The following ADAP2 variants were observed in gnomAD, a reference collection of about 807,000 sequenced individuals.
ADAP2 encodes arf-GAP with dual PH domain-containing protein 2.
ADAP2 carries 42 observed loss-of-function variants against 54.9 expected under a neutral mutation model. That is an observed-to-expected ratio of 0.77 (90% confidence interval 0.60 to 0.99). The LOEUF (loss-of-function observed/expected upper bound fraction) is 0.99, where lower values mean the gene tolerates loss of function less well. Among genes scored for constraint, ADAP2 ranks in the 50% least tolerant of loss-of-function variants. The pLI, the probability that ADAP2 is intolerant of heterozygous loss-of-function variation, is 0.00. For missense variants in ADAP2, 429 were observed against 480.4 expected, an observed-to-expected ratio of 0.89 and a Z score of 1.00; for synonymous variants, 177 against 180.1, an observed-to-expected ratio of 0.98 and a Z score of 0.14.
chr17:30,956,337 A>G lies in ADAP2; in HGVS notation c.979A>G (p.Lys327Glu). The G allele has an allele frequency of 1.9e-6, 3 of 1,614,210 alleles. No individual in the cohort carries two copies. Among genetic ancestry groups the G allele is most frequent in the African/African-American group, 1.3e-5 (1 of 75,052 alleles). ...CAAGGGCATCCGAGGAAATCGCTGG[A>G]AAGCCGGACTCACCATTGTCACCCC... ...LPKGIRGNRW[K>E]AGLTIVTPER... The change falls in exon 10 of 11, where the codon AAA becomes GAA. Residue 327 changes from lysine to glutamate, a missense_variant. Lys to Glu is a moderately conservative substitution (Grantham distance 56). Coordinates refer to ENST00000330889, the MANE Select transcript of ADAP2 (RefSeq NM_018404.3).
chr17:30,956,735 T>C (rs1905101792), intron 10 of ADAP2: 1 of 500,170 alleles, frequency 2.0e-6, no homozygotes, highest in Non-Finnish European at 3.6e-6. Flanking sequence ...CTGGGTGCTG[T>C]CTGTACCCCT....
Position 30,922,026 on chromosome 17 carries a change from C to A in ADAP2, c.12C>A (p.Arg4=). The A allele has an allele frequency of 7.8e-7, 1 of 1,277,604 alleles. No individual in the cohort carries two copies. The highest frequency in any genetic ancestry group is 9.8e-7 in the Non-Finnish European group (1 of 1,016,666). 79.1% of individuals were successfully genotyped at this position (1,277,604 alleles called of 1,614,324 possible). A position where few individuals can be genotyped will look rare whatever the true frequency, so the allele number is the denominator to read the frequency against. ...CCGCCGGGCCGGCCATGGGCGATCG[C>A]GAGCGCAACAAGAAGCGGCTGCTGG... MGD[R]ERNKKRLLEL... Residue 4 remains arginine, a synonymous_variant, in exon 1 of 11, where the codon CGC becomes CGA. Transcript: ENST00000330889.
At chr17:30,928,761 G>T (rs188270984) in intron 3 of ADAP2, among the ~76,000 whole-genome samples, 217 of 152,268 alleles carry the variant, frequency 1.4e-3, no homozygotes, top group African/African-American at 4.9e-3. Flanking sequence ...TCCCCTGGAG[G>T]TGAGGGTTAG....
At chr17:30,940,360 A>G (rs1368170653) in intron 5 of ADAP2, among the ~76,000 whole-genome samples, 2 of 151,526 alleles carry the variant, frequency 1.3e-5, no homozygotes, top group Non-Finnish European at 2.9e-5. Flanking sequence ...GCTGGAGTAC[A>G]GTGGCACGAT....
intron 2 of ADAP2, among the ~76,000 whole-genome samples, chr17:30,925,829 G>A (rs1911018534): frequency 6.6e-6 from 1 of 151,978 alleles, no homozygotes; most frequent in African/African-American, 2.4e-5. Flanking sequence ...GCAAAATCTC[G>A]GCTCACTGCA....
At chr17:30,942,242 C>A (rs2142552570) in intron 5 of ADAP2, among the ~76,000 whole-genome samples, 1 of 152,212 alleles carries the variant, frequency 6.6e-6, no homozygotes, top group South Asian at 2.1e-4. Context: ...TTCTAAACTA[C>A]ACCTCAATAA....
chr17:30,934,403 C>G, intron 5 of ADAP2, 106 bp downstream of exon 5: 1 of 744,440 alleles, frequency 1.3e-6, no homozygotes, highest in Non-Finnish European at 2.2e-6. Flanking sequence ...AATCTCAGCC[C>G]CTGAGAGTTA....
intron 6 of ADAP2, among the ~76,000 whole-genome samples, chr17:30,945,572 A>T (rs1912602931): frequency 6.6e-6 from 1 of 152,048 alleles, no homozygotes; most frequent in South Asian, 2.1e-4. Context: ...GTAGCATAGT[A>T]AGACCCCCAT....
chr17:30,923,087 G>A lies in ADAP2; in HGVS notation c.225+17G>A, dbSNP rs201030071. On this transcript the variant is annotated intron_variant, in intron 2 of 10. Coordinates refer to ENST00000330889, the MANE Select transcript of ADAP2 (RefSeq NM_018404.3). ...ATTGTGGAGGTAGAAAGGCATGCCC[G>A]TGGAGAGCCATGGAACTGCGGGACT... The A allele has an allele frequency of 6.2e-7, 1 of 1,612,694 alleles. No individual in the cohort carries two copies. The highest frequency in any genetic ancestry group is 8.5e-7 in the Non-Finnish European group (1 of 1,179,760).
chr17:30,943,647 G>T (rs1333116647), intron 5 of ADAP2, among the ~76,000 whole-genome samples: 2 of 151,762 alleles, frequency 1.3e-5, no homozygotes, highest in Non-Finnish European at 1.5e-5. Flanking sequence ...AGGAGTTCAA[G>T]AACAGCCTGA....
intron 3 of ADAP2, 107 bp from the exon 4 acceptor site, chr17:30,931,782 T>C: frequency 1.4e-6 from 1 of 735,292 alleles, no homozygotes; most frequent in Admixed American, 2.5e-5. Context: ...GATCACGTGA[T>C]CACACCACTG....
chr17:30,934,986 G>C (rs756845690), intron 5 of ADAP2, among the ~76,000 whole-genome samples: 19 of 152,156 alleles, frequency 1.2e-4, no homozygotes, highest in Admixed American at 1.2e-3. Flanking sequence ...ATGGGAGGTC[G>C]AGGCTGCATT....
chr17:30,949,923 T>A (rs1904500244), intron 7 of ADAP2, among the ~76,000 whole-genome samples: 1 of 152,128 alleles, frequency 6.6e-6, no homozygotes, highest in African/African-American at 2.4e-5. Context: ...GGTCAGTGTC[T>A]CCCCTTCAGA....
At chr17:30,924,772 A>G (rs1910899408) in intron 2 of ADAP2, among the ~76,000 whole-genome samples, 1 of 152,192 alleles carries the variant, frequency 6.6e-6, no homozygotes, top group Admixed American at 6.5e-5. Context: ...CTTACATTCT[A>G]GTGTGGGAGA....
At chr17:30,943,298 G>A (rs1457996109) in intron 5 of ADAP2, among the ~76,000 whole-genome samples, 2 of 152,060 alleles carry the variant, frequency 1.3e-5, no homozygotes, top group Admixed American at 6.5e-5. Flanking sequence ...CCAGGAGGTG[G>A]AGGTTGCAGT....
Position 30,958,293 on chromosome 17 carries a change from A to G in ADAP2, c.*424A>G. The G allele has an allele frequency of 5.6e-6, 1 of 177,580 alleles. No individual in the cohort carries two copies. The highest frequency in any genetic ancestry group is 1.2e-5 in the Non-Finnish European group (1 of 82,302). The allele number at this position is 177,580 out of a possible 1,614,324, so 11.0% of individuals were successfully genotyped here. On this transcript the variant is annotated 3_prime_UTR_variant, in exon 11 of 11. Coordinates refer to ENST00000330889, the MANE Select transcript of ADAP2 (RefSeq NM_018404.3). The stretch of plus-strand genomic sequence containing the variant: ...AAATCCACATTAGGGGCATTCTGCT[A>G]AACATCTGACCCAGACTCTTCAAAA...
chr17:30,929,997 A>T (rs1395807303), intron 3 of ADAP2, among the ~76,000 whole-genome samples: 1 of 150,902 alleles, frequency 6.6e-6, no homozygotes, highest in African/African-American at 2.4e-5. Flanking sequence ...GATTACAGGC[A>T]TGAGTTACCA....
chr17:30,945,114 A>G, intron 6 of ADAP2, 61 bp downstream of exon 6: 1 of 1,578,480 alleles, frequency 6.3e-7, no homozygotes, highest in South Asian at 1.2e-5. Context: ...TGGCAGGTGC[A>G]GCTCACCACC....
chr17:30,929,437 C>T (rs901667623), intron 3 of ADAP2, among the ~76,000 whole-genome samples: 5 of 152,234 alleles, frequency 3.3e-5, no homozygotes, highest in Admixed American at 1.3e-4. Context: ...TCAGTGAACA[C>T]GTGCGCTGTG....
Sources: allele counts gnomAD v4.1 joint callset (sites outside exome capture counted in the v4.1 genomes callset), GRCh38; gene constraint gnomAD v4.1.1; transcripts MANE v1.5; gene names NCBI Gene and HGNC (gene_info 2026-07-23, HGNC 2026-07-21).